ESRP1: variants seen among roughly 807,000 people sequenced by gnomAD.
ESRP1 encodes RNA-binding motif protein 35A.
A neutral mutation model predicts 81.7 loss-of-function variants in ESRP1; 33 were observed. The ratio of observed to expected loss-of-function variants is 0.40; its 90% CI spans 0.31 to 0.54. The LOEUF is 0.54. Ranked by LOEUF, ESRP1 falls within the 20% of genes least tolerant of loss-of-function variation. The probability of loss-of-function intolerance (pLI) is 0.41; values close to 1 mark genes in which losing one functional copy is unlikely to be tolerated. For missense variants in ESRP1, 672 were observed against 833.1 expected, an observed-to-expected ratio of 0.81 and a Z score of 2.38; for synonymous variants, 320 against 303.3, an observed-to-expected ratio of 1.06 and a Z score of -0.57.
intron 4 of ESRP1, among the ~76,000 whole-genome samples, chr8:94,660,043 C>A (rs1818638225): frequency 6.6e-6 from 1 of 152,190 alleles, no homozygotes; most frequent in Non-Finnish European, 1.5e-5. Flanking sequence ...CAAAGTGAAG[C>A]AGAAAGTGCT....
At chr8:94,662,402 A>G in intron 5 of ESRP1, 32 bp downstream of exon 5, 2 of 1,530,248 alleles carry the variant, frequency 1.3e-6, no homozygotes, top group South Asian at 2.4e-5. Flanking sequence ...GTGCAGTCCC[A>G]GAATTCATAC....
intron 4 of ESRP1, among the ~76,000 whole-genome samples, chr8:94,655,513 T>C (rs553004909): frequency 6.6e-6 from 1 of 152,276 alleles, no homozygotes; most frequent in South Asian, 2.1e-4. Context: ...TGACTTCTCA[T>C]TGTATTTTCT....
chr8:94,647,647 C>T (rs1476165808), intron 4 of ESRP1, among the ~76,000 whole-genome samples: 1 of 152,108 alleles, frequency 6.6e-6, no homozygotes, highest in South Asian at 2.1e-4. Flanking sequence ...TTCTAAAGAC[C>T]CTCTCTCCAG....
chr8:94,671,424 A>G (rs1248249077), intron 10 of ESRP1, 29 bp from the exon 11 acceptor site: 1 of 1,593,182 alleles, frequency 6.3e-7, no homozygotes, highest in Non-Finnish European at 8.6e-7. Context: ...GCACAGCTCT[A>G]AATTACTTCT....
chr8:94,641,288 A>ACCCCC lies in ESRP1; in HGVS notation c.-28_-24dup. The stretch of plus-strand genomic sequence containing the variant: ...TTCCACACCACCTTACCGCCTCCCG[A>ACCCCC]CCCCCCCTCTCCCCCTCCCCACCTA... On this transcript the variant is annotated 5_prime_UTR_variant, in exon 1 of 16. Coordinates refer to ENST00000433389, the MANE Select transcript of ESRP1 (RefSeq NM_017697.4). 1.9e-6 allele frequency: 2 copies of ACCCCC among 1,030,368 alleles called. No homozygotes were observed. The highest frequency in any genetic ancestry group is 1.8e-5 in the Admixed American group (1 of 55,170). 63.8% of individuals were successfully genotyped at this position (1,030,368 alleles called of 1,614,324 possible). A position where few individuals can be genotyped will look rare whatever the true frequency, so the allele number is the denominator to read the frequency against.
At chr8:94,703,959 C>G (rs1361282277) in intron 15 of ESRP1, among the ~76,000 whole-genome samples, 1 of 152,114 alleles carries the variant, frequency 6.6e-6, no homozygotes, top group African/African-American at 2.4e-5. Flanking sequence ...ATTTTCTTAT[C>G]TGAATTTAGT....
chr8:94,676,266 T>TG (rs1819580046), intron 12 of ESRP1, among the ~76,000 whole-genome samples: 2 of 150,228 alleles, frequency 1.3e-5, no homozygotes, highest in Non-Finnish European at 3.0e-5. Flanking sequence ...GCAGGAGAAT[T>TG]GCTTGATCAC....
intron 4 of ESRP1, among the ~76,000 whole-genome samples, chr8:94,654,232 C>T (rs1486620923): frequency 1.4e-4 from 21 of 152,146 alleles, no homozygotes; most frequent in Admixed American, 1.4e-3. Flanking sequence ...GCATGAGAAT[C>T]GCTTGAACCT....
intron 15 of ESRP1, among the ~76,000 whole-genome samples, chr8:94,703,108 G>GTTTTTTTTTTTT (rs201767398): frequency 7.8e-6 from 1 of 128,536 alleles, no homozygotes; most frequent in Non-Finnish European, 1.6e-5. Context: ...GAGATTGATT[G>GTTTTTTTTTTTT]TTTTTTTTTT....
intron 13 of ESRP1, among the ~76,000 whole-genome samples, chr8:94,683,934 G>A (rs994128611): frequency 1.2e-4 from 19 of 152,082 alleles, no homozygotes; most frequent in African/African-American, 4.6e-4. Context: ...CACAACCTCC[G>A]CCTCCCAGGT....
Position 94,685,067 on chromosome 8 carries a change from A to G in ESRP1, c.1820+6696A>G, listed in dbSNP as rs189882982. The stretch of plus-strand genomic sequence containing the variant: ...TATATCTATATATGGCAAATCCTCA[A>G]ATTGTGAATGTTATCAATACTCTCA... On this transcript the variant is annotated intron_variant, in intron 13 of 15. Transcript: ENST00000433389. Among the ~76,000 whole-genome samples, 22 of 151,990 alleles carry G rather than the reference A, an allele frequency of 1.4e-4. No homozygotes were observed. In the East Asian group the frequency reaches 2.9e-3, roughly 20 times the overall value.
intron 12 of ESRP1, among the ~76,000 whole-genome samples, chr8:94,676,620 C>T (rs1808648406): frequency 6.6e-6 from 1 of 152,014 alleles, no homozygotes; most frequent in Admixed American, 6.5e-5. Flanking sequence ...CTGCCTCAAC[C>T]TCCTGAGTAG....
chr8:94,690,174 CTG>C (rs1203780094), intron 13 of ESRP1, among the ~76,000 whole-genome samples: 3 of 150,264 alleles, frequency 2.0e-5, no homozygotes, highest in Non-Finnish European at 3.0e-5. Context: ...CAGGATTTCA[CTG>C]TGTTGGCCAG....
chr8:94,662,204 G>C (rs2303453), intron 4 of ESRP1, 68 bp from the exon 5 acceptor site: 368,456 of 994,358 alleles, frequency 0.37, 72,617 homozygotes, highest in East Asian at 0.57. Context: ...CTTGGTATAG[G>C]TTTAATTTTG....
At chr8:94,701,640 T>G (rs572642200) in intron 15 of ESRP1, among the ~76,000 whole-genome samples, 31 of 152,066 alleles carry the variant, frequency 2.0e-4, no homozygotes, top group Admixed American at 2.0e-3. Context: ...AGACAAGGTC[T>G]CACTATGTTG....
At position 94,668,302 on chromosome 8, in the gene ESRP1, A is replaced by T. The variant is rs748731871; in HGVS notation, c.1233+52A>T. The T allele has an allele frequency of 5.5e-6, 8 of 1,464,510 alleles. No homozygotes were observed. In the African/African-American group the frequency reaches 1.1e-4, roughly 21 times the overall value. The allele number at this position is 1,464,510 out of a possible 1,614,324, so 90.7% of individuals were successfully genotyped here. A position where few individuals can be genotyped will look rare whatever the true frequency, so the allele number is the denominator to read the frequency against. On this transcript the variant is annotated intron_variant, in intron 10 of 15. Coordinates refer to ENST00000433389, the MANE Select transcript of ESRP1 (RefSeq NM_017697.4). Reference sequence around the variant, plus strand: ...ACCTTTGCATTAATTTCTGTTCTTTATCTCTGAAAATAGTCCTACATTGCT... The same window carrying T: ...ACCTTTGCATTAATTTCTGTTCTTTTTCTCTGAAAATAGTCCTACATTGCT...
At chr8:94,656,786 A>G (rs1245852806) in intron 4 of ESRP1, among the ~76,000 whole-genome samples, 1 of 152,194 alleles carries the variant, frequency 6.6e-6, no homozygotes, top group African/African-American at 2.4e-5. Context: ...TGACACTTCA[A>G]ATTGGAGTAA....
chr8:94,642,331 G>C (rs1367836485), intron 2 of ESRP1, among the ~76,000 whole-genome samples: 3 of 152,244 alleles, frequency 2.0e-5, no homozygotes, highest in Non-Finnish European at 2.9e-5. Flanking sequence ...TTCCTGAGTA[G>C]TTACTGGAGC....
chr8:94,689,811 C>CTTTTTTTTTTTTTTTT lies in ESRP1; in HGVS notation c.1821-2856_1821-2841dup, dbSNP rs58359551. 2.4e-3 allele frequency among the ~76,000 whole-genome samples: 154 copies of CTTTTTTTTTTTTTTTT among 64,620 alleles called. 7 individuals are homozygous for CTTTTTTTTTTTTTTTT. The highest frequency in any genetic ancestry group is 0.016 in the Middle Eastern group (2 of 128). 42.4% of individuals were successfully genotyped at this position (64,620 alleles called of 152,430 possible). The stretch of plus-strand genomic sequence containing the variant: ...CACAGGCATGTGCTATGATGCCTGG[C>CTTTTTTTTTTTTTTTT]TTTTTTTTTTTTTTTTTTTTTTTTT... On this transcript the variant is annotated intron_variant, in intron 13 of 15. Transcript: ENST00000433389.
Sources: gnomAD v4.1 joint callset for allele counts (sites outside exome capture counted in the v4.1 genomes callset) on GRCh38, gnomAD v4.1.1 for gene constraint, MANE v1.5 for transcripts, NCBI Gene and HGNC (gene_info 2026-07-23, HGNC 2026-07-21) for gene names.